The following HAT1 variants were observed in gnomAD, a reference collection of about 807,000 sequenced individuals.
HAT1 encodes histone acetyltransferase 1, also known as histone acetyltransferase type B catalytic subunit.
HAT1 carries 20 observed loss-of-function variants against 56.6 expected under a neutral mutation model. The observed-to-expected ratio is 0.35, with a 90% CI of 0.25 to 0.51. The LOEUF (loss-of-function observed/expected upper bound fraction) is 0.51. Among genes scored for constraint, HAT1 ranks in the 20% least tolerant of loss-of-function variants. The probability of loss-of-function intolerance (pLI) is 0.95; values close to 1 mark genes in which losing one functional copy is unlikely to be tolerated. For missense variants in HAT1, 408 were observed against 504.3 expected (o/e 0.81, Z 1.83); for synonymous variants, 146 against 165.5 (o/e 0.88, Z 0.91).
In HAT1 at chr2:171,948,520, G is replaced by A. The variant is rs148362241; in HGVS notation, c.188+1737G>A. Among the ~76,000 whole-genome samples, 311 of 152,184 alleles carry A rather than the reference G, an allele frequency of 2.0e-3. 1 individual carries two copies. Among genetic ancestry groups the A allele is most frequent in the South Asian group, 7.3e-3 (35 of 4,824 alleles). ...ATTGCAGGCGTGAGCTACCATGCCC[G>A]GCCTGATACAGTACTATCTTCTGAT... On this transcript the variant is annotated intron_variant, in intron 3 of 10. Coordinates refer to ENST00000264108, the MANE Select transcript of HAT1 (RefSeq NM_003642.4).
intron 4 of HAT1, among the ~76,000 whole-genome samples, chr2:171,963,358 A>G (rs947778612): frequency 1.3e-5 from 2 of 152,132 alleles, no homozygotes; most frequent in African/African-American, 4.8e-5. Flanking sequence ...CATCCTTTGA[A>G]GGCTGAAAGC....
In HAT1 at chr2:171,979,355, C is replaced by CCAT; in HGVS notation, c.1085_1087dup (p.Pro362_Tyr363insSer). ...GGATATTAAAAGAAGACTAATTAGC[C>CCAT]CATATAAGGTAGGACTTTCAAGAAT... On this transcript the variant is annotated inframe_insertion, in exon 10 of 11. Coordinates refer to ENST00000264108, the MANE Select transcript of HAT1 (RefSeq NM_003642.4). The CCAT allele has an allele frequency of 7.4e-6, 11 of 1,479,564 alleles. No homozygotes were observed. Among genetic ancestry groups the CCAT allele is most frequent in the Non-Finnish European group, 1.0e-5 (11 of 1,057,310 alleles). 91.7% of individuals were successfully genotyped at this position (1,479,564 alleles called of 1,614,324 possible).
At chr2:171,940,850 T>C (rs999542402) in intron 2 of HAT1, among the ~76,000 whole-genome samples, 1 of 152,226 alleles carries the variant, frequency 6.6e-6, no homozygotes, top group African/African-American at 2.4e-5. Flanking sequence ...TTTCTTTTTG[T>C]TGGCAGTCTT....
chr2:171,932,422 TA>T (rs1686770861), intron 2 of HAT1, among the ~76,000 whole-genome samples: 1 of 152,226 alleles, frequency 6.6e-6, no homozygotes, highest in African/African-American at 2.4e-5. Flanking sequence ...GGAAGGTTTT[TA>T]ACTATACATC....
At chr2:171,952,488 C>T (rs1687333068) in intron 3 of HAT1, among the ~76,000 whole-genome samples, 1 of 152,196 alleles carries the variant, frequency 6.6e-6, no homozygotes, top group Non-Finnish European at 1.5e-5. Context: ...TGGTCCAAGG[C>T]TTGGTAGCTG....
intron 8 of HAT1, among the ~76,000 whole-genome samples, chr2:171,970,061 G>A (rs1687776282): frequency 6.6e-6 from 1 of 152,268 alleles, no homozygotes; most frequent in South Asian, 2.1e-4. Flanking sequence ...TTGGGGGACT[G>A]AGATGAGAGG....
intron 2 of HAT1, among the ~76,000 whole-genome samples, chr2:171,940,878 C>T (rs1162522407): frequency 1.3e-5 from 2 of 152,168 alleles, no homozygotes; most frequent in Non-Finnish European, 2.9e-5. Flanking sequence ...TCTGCTGTCT[C>T]ATCATTGGGT....
At chr2:171,951,998 T>G (rs1177504929) in intron 3 of HAT1, among the ~76,000 whole-genome samples, 2 of 152,244 alleles carry the variant, frequency 1.3e-5, no homozygotes, top group Non-Finnish European at 1.5e-5. Context: ...ATGACACTGC[T>G]TCTTTCAAAC....
intron 2 of HAT1, among the ~76,000 whole-genome samples, chr2:171,928,431 T>C (rs1686652430): frequency 6.6e-6 from 1 of 152,252 alleles, no homozygotes; most frequent in Non-Finnish European, 1.5e-5. Context: ...ACTGGCTTTG[T>C]GACTGGCTTG....
intron 9 of HAT1, 28 bp downstream of exon 9, chr2:171,976,336 G>T: frequency 7.1e-7 from 1 of 1,405,578 alleles, no homozygotes; most frequent in Non-Finnish European, 9.7e-7. Flanking sequence ...GAGGAAAACA[G>T]ATTTAAATTA....
At chr2:171,963,373 T>C (rs996950169) in intron 4 of HAT1, among the ~76,000 whole-genome samples, 2 of 152,166 alleles carry the variant, frequency 1.3e-5, no homozygotes, top group African/African-American at 2.4e-5. Flanking sequence ...GAAAGCCCTT[T>C]TTCAACTTTG....
chr2:171,960,804 G>C (rs562434745), intron 4 of HAT1, among the ~76,000 whole-genome samples: 1 of 151,740 alleles, frequency 6.6e-6, no homozygotes, highest in African/African-American at 2.4e-5. Flanking sequence ...TTGAGGCCAG[G>C]AATTTGAGAC....
intron 2 of HAT1, among the ~76,000 whole-genome samples, chr2:171,929,759 C>T (rs1290018551): frequency 1.3e-5 from 2 of 152,174 alleles, no homozygotes; most frequent in Non-Finnish European, 2.9e-5. Context: ...TGAACTTACA[C>T]GTGTGGATCT....
chr2:171,978,922 CAA>C (rs3838506), intron 9 of HAT1, among the ~76,000 whole-genome samples: 2,762 of 69,112 alleles, frequency 0.04, 27 homozygotes, highest in Middle Eastern at 0.06. Context: ...CCCATTTCTA[CAA>C]AAAAAAAAAA....
chr2:171,935,774 G>A (rs982066091), intron 2 of HAT1, among the ~76,000 whole-genome samples: 18 of 151,976 alleles, frequency 1.2e-4, no homozygotes, highest in African/African-American at 4.4e-4. Flanking sequence ...TACTCAGGAG[G>A]CTGAGGCAGG....
intron 3 of HAT1, among the ~76,000 whole-genome samples, chr2:171,951,312 C>T (rs1687301281): frequency 6.6e-6 from 1 of 152,104 alleles, no homozygotes; most frequent in African/African-American, 2.4e-5. Context: ...AGAATATTTT[C>T]TCTTTGGAGT....
At chr2:171,964,406 T>C (rs980330900) in intron 4 of HAT1, among the ~76,000 whole-genome samples, 28 of 152,262 alleles carry the variant, frequency 1.8e-4, no homozygotes, top group African/African-American at 6.7e-4. Flanking sequence ...CTGGCCTCAT[T>C]GTTCAGGAAA....
Position 171,952,930 on chromosome 2 carries a change from G to C in HAT1, c.238G>C (p.Ala80Pro). ...KGLKILLYYIAGSLSTMFRVE... is the reference protein window; with the variant it reads ...KGLKILLYYIPGSLSTMFRVE... Reference sequence around the variant, plus strand: ...TCTAAAGATCCTGTTATACTATATTGCTGGTAGCCTGTCAACAATGTTCCG... The same window carrying C: ...TCTAAAGATCCTGTTATACTATATTCCTGGTAGCCTGTCAACAATGTTCCG... The change falls in exon 4 of 11, where the codon GCT (alanine) becomes CCT (proline). Residue 80 changes from alanine (A) to proline (P), a missense_variant. By Grantham distance (27) the Ala-to-Pro change is conservative. Coordinates refer to ENST00000264108, the MANE Select transcript of HAT1 (RefSeq NM_003642.4). 1 of 1,591,908 alleles carries C rather than the reference G, an allele frequency of 6.3e-7. No homozygotes were observed. Among genetic ancestry groups the C allele is most frequent in the Non-Finnish European group, 8.6e-7 (1 of 1,160,324 alleles).
At chr2:171,955,107 T>G (rs1242272295) in intron 4 of HAT1, among the ~76,000 whole-genome samples, 1 of 152,208 alleles carries the variant, frequency 6.6e-6, no homozygotes, top group African/African-American at 2.4e-5. Flanking sequence ...ATAAATATTG[T>G]TTTAAGCCAC....
Sources: allele counts gnomAD v4.1 joint callset (sites outside exome capture counted in the v4.1 genomes callset), GRCh38; gene constraint gnomAD v4.1.1; transcripts MANE v1.5; gene names NCBI Gene and HGNC (gene_info 2026-07-23, HGNC 2026-07-21).